OMA1: variants seen among roughly 807,000 people sequenced by gnomAD.
The protein encoded by OMA1 is OMA1 zinc metallopeptidase, also known as metalloendopeptidase OMA1, mitochondrial.
In OMA1, 38 loss-of-function variants were observed where a neutral mutation model predicts 30.9. That is an observed-to-expected ratio of 1.23 (90% CI 0.95 to 1.61). OMA1 has a LOEUF of 1.61. OMA1 is among the 40% of genes most tolerant of loss of function. The pLI is 0.00. For synonymous variants in OMA1, 173 were observed against 121.9 expected (o/e 1.42, Z -2.76); for missense variants, 461 against 349.2 (o/e 1.32, Z -2.55).
At chr1:58,526,013 T>G (rs991120039) in intron 7 of OMA1, among the ~76,000 whole-genome samples, 1 of 152,082 alleles carries the variant, frequency 6.6e-6, no homozygotes, top group Non-Finnish European at 1.5e-5. Flanking sequence ...AAAAAAAAGA[T>G]GTTGCCCTCT....
At chr1:58,489,663 C>T (rs1458585718) in intron 8 of OMA1, among the ~76,000 whole-genome samples, 1 of 152,180 alleles carries the variant, frequency 6.6e-6, no homozygotes, top group Non-Finnish European at 1.5e-5. Flanking sequence ...GTCCCTGACC[C>T]CTGAGTAGCC....
At chr1:58,544,307 T>C (rs1646667561) in intron 1 of OMA1, among the ~76,000 whole-genome samples, 1 of 152,114 alleles carries the variant, frequency 6.6e-6, no homozygotes, top group Admixed American at 6.5e-5. Context: ...CACTAAATGC[T>C]AGGCACCATA....
At chr1:58,497,058 G>A (rs1645814617) in intron 8 of OMA1, among the ~76,000 whole-genome samples, 1 of 152,162 alleles carries the variant, frequency 6.6e-6, no homozygotes, top group African/African-American at 2.4e-5. Context: ...AAAGCACTAT[G>A]AAGCTTAGTT....
intron 7 of OMA1, among the ~76,000 whole-genome samples, chr1:58,511,997 T>C (rs890402849): frequency 6.6e-6 from 1 of 152,168 alleles, no homozygotes; most frequent in South Asian, 2.1e-4. Flanking sequence ...ACCATTTGTA[T>C]ACCAAATAAC....
intron 8 of OMA1, among the ~76,000 whole-genome samples, chr1:58,490,466 T>C (rs1376819475): frequency 2.6e-5 from 4 of 152,302 alleles, no homozygotes; most frequent in Admixed American, 2.0e-4. Context: ...CTACATCTGA[T>C]TGGTGTACCT....
intron 8 of OMA1, among the ~76,000 whole-genome samples, chr1:58,491,407 C>T (rs1221051165): frequency 6.6e-6 from 1 of 152,130 alleles, no homozygotes; most frequent in Non-Finnish European, 1.5e-5. Context: ...CAAATTCACA[C>T]ATAACAATAT....
At chr1:58,527,387 AAGG>A (rs1646369022) in intron 6 of OMA1, 52 bp from the exon 7 acceptor site, 2 of 838,408 alleles carry the variant, frequency 2.4e-6, no homozygotes, top group Non-Finnish European at 4.2e-6. Context: ...TTCACGAAAA[AAGG>A]AGTAACACAG....
chr1:58,492,455 C>A (rs199657383), intron 8 of OMA1, among the ~76,000 whole-genome samples: 1 of 151,978 alleles, frequency 6.6e-6, no homozygotes, highest in African/African-American at 2.4e-5. Context: ...AAAAACCCTT[C>A]AAAAAATCAA....
intron 8 of OMA1, among the ~76,000 whole-genome samples, chr1:58,489,348 G>A (rs1280074923): frequency 1.3e-5 from 2 of 152,216 alleles, no homozygotes; most frequent in Non-Finnish European, 2.9e-5. Flanking sequence ...CTCATTACTA[G>A]CACAGCAGTC....
At chr1:58,505,371 G>A (rs1280262951) in intron 8 of OMA1, among the ~76,000 whole-genome samples, 2 of 152,204 alleles carry the variant, frequency 1.3e-5, no homozygotes, top group Admixed American at 6.5e-5. Context: ...AGATAGAAGA[G>A]AGCGTGTAAC....
chr1:58,488,729 C>T (rs556076753), intron 8 of OMA1, among the ~76,000 whole-genome samples: 16 of 152,306 alleles, frequency 1.1e-4, no homozygotes, highest in African/African-American at 3.8e-4. Context: ...GGATTACAGG[C>T]GTGAGCCACC....
intron 7 of OMA1, among the ~76,000 whole-genome samples, chr1:58,521,753 A>G (rs1186539682): frequency 6.6e-6 from 1 of 152,198 alleles, no homozygotes; most frequent in African/African-American, 2.4e-5. Flanking sequence ...TATTAAAGAG[A>G]CTGAATCCAT....
rs946066945 is a variant in OMA1 at position 58,485,171 on chromosome 1, C to T, written c.1366-3997G>A. 3.7e-5 allele frequency among the ~76,000 whole-genome samples: 5 copies of T among 136,890 alleles called. 1 individual carries two copies. Among genetic ancestry groups the T allele is most frequent in the Non-Finnish European group, 6.1e-5 (4 of 65,250 alleles). 89.8% of individuals were successfully genotyped at this position (136,890 alleles called of 152,430 possible). On this transcript the variant is annotated intron_variant, in intron 8 of 8. Coordinates refer to ENST00000371226, the MANE Select transcript of OMA1 (RefSeq NM_145243.5). ...CAGATGTATAAGGGAAATCTCTATA[C>T]CTTCTACTCAATTAAAAGTTGAAGC... is the stretch of plus-strand genomic sequence containing the variant.
intron 1 of OMA1, among the ~76,000 whole-genome samples, chr1:58,541,774 T>C (rs554132007): frequency 6.6e-6 from 1 of 152,308 alleles, no homozygotes; most frequent in African/African-American, 2.4e-5. Context: ...CCTGAGATAC[T>C]TGCTGAAGGA....
At chr1:58,488,615 C>A (rs569984755) in intron 8 of OMA1, among the ~76,000 whole-genome samples, 46 of 151,964 alleles carry the variant, frequency 3.0e-4, no homozygotes, top group Middle Eastern at 3.4e-3. Flanking sequence ...CCATGTCTCG[C>A]TAATTTTTGT....
At chr1:58,544,203 A>T (rs1646666146) in intron 1 of OMA1, among the ~76,000 whole-genome samples, 1 of 152,218 alleles carries the variant, frequency 6.6e-6, no homozygotes, top group African/African-American at 2.4e-5. Context: ...AACTTAAAAA[A>T]TTTTAACGAC....
intron 1 of OMA1, among the ~76,000 whole-genome samples, chr1:58,543,395 C>T (rs986619985): frequency 3.3e-5 from 5 of 152,160 alleles, no homozygotes; most frequent in Admixed American, 2.0e-4. Flanking sequence ...ATCTCTACAG[C>T]AACTTTAGCA....
Position 58,539,317 on chromosome 1 carries a change from CAA to C in OMA1, c.-16-9_-16-8del, listed in dbSNP as rs753291283. The C allele has an allele frequency of 3.2e-6, 2 of 629,066 alleles. No individual in the cohort carries two copies. The highest frequency in any genetic ancestry group is 2.7e-6 in the Non-Finnish European group (1 of 368,764). 39.0% of individuals were successfully genotyped at this position (629,066 alleles called of 1,614,324 possible). ...CATTTTTTCACTTGACTACCTGAAACAAAAAAAAAACTATAAATATCTGTGGA... is the reference window on the plus strand; with the variant it reads ...CATTTTTTCACTTGACTACCTGAAACAAAAAAAACTATAAATATCTGTGGA... On this transcript the variant is annotated splice_region_variant and splice_polypyrimidine_tract_variant and intron_variant, in intron 1 of 8. Coordinates refer to ENST00000371226, the MANE Select transcript of OMA1 (RefSeq NM_145243.5).
chr1:58,501,099 G>A (rs763956474), intron 8 of OMA1, among the ~76,000 whole-genome samples: 5 of 152,092 alleles, frequency 3.3e-5, no homozygotes, highest in Non-Finnish European at 5.9e-5. Context: ...ATTATTTCAA[G>A]TAAATAGAAT....
Sources: allele counts gnomAD v4.1 joint callset (sites outside exome capture counted in the v4.1 genomes callset), GRCh38; gene constraint gnomAD v4.1.1; transcripts MANE v1.5; gene names NCBI Gene and HGNC (gene_info 2026-07-23, HGNC 2026-07-21).